Variants in CADPS2 observed in about 807,000 individuals in gnomAD.
CADPS2 encodes the protein calcium-dependent secretion activator 2.
CADPS2 carries 93 observed loss-of-function variants against 172.5 expected under a neutral mutation model. That is an observed-to-expected ratio of 0.54 (90% CI 0.46 to 0.64). The LOEUF is 0.64. Ranked by LOEUF, CADPS2 falls within the 30% of genes least tolerant of loss-of-function variation. CADPS2 has a pLI of 0.00. For synonymous variants in CADPS2, 546 were observed against 555.2 expected, an observed-to-expected ratio of 0.98 and a Z score of 0.23; for missense variants, 1,420 against 1,565.9, an observed-to-expected ratio of 0.91 and a Z score of 1.57.
At chr7:122,561,586 C>T (rs191978803) in intron 7 of CADPS2, among the ~76,000 whole-genome samples, 59 of 152,150 alleles carry the variant, frequency 3.9e-4, no homozygotes, top group Middle Eastern at 3.4e-3. Flanking sequence ...TTAGGCAAGC[C>T]GTTAGTAGTC....
chr7:122,491,118 A>G (rs562430213), intron 10 of CADPS2, among the ~76,000 whole-genome samples, 194 bp downstream of exon 10: 1 of 152,322 alleles, frequency 6.6e-6, no homozygotes, highest in African/African-American at 2.4e-5. Flanking sequence ...AATAACAAAT[A>G]TGATGAAATA....
At chr7:122,654,062 C>T (rs138143577) in intron 3 of CADPS2, among the ~76,000 whole-genome samples, 6 of 152,160 alleles carry the variant, frequency 3.9e-5, no homozygotes, top group East Asian at 3.9e-4. Flanking sequence ...TAAGAAGAGA[C>T]GGGTCAAATG....
At chr7:122,704,352 C>CT (rs943018418) in intron 2 of CADPS2, among the ~76,000 whole-genome samples, 37 of 146,438 alleles carry the variant, frequency 2.5e-4, no homozygotes, top group African/African-American at 5.0e-4. Context: ...TACAGGTAGA[C>CT]TTTTTTTTTT....
chr7:122,836,139 A>G (rs1808340861), intron 1 of CADPS2, among the ~76,000 whole-genome samples: 2 of 152,208 alleles, frequency 1.3e-5, no homozygotes, highest in Non-Finnish European at 2.9e-5. Flanking sequence ...ATTCTTAAAG[A>G]AAACAATTTT....
At chr7:122,516,920 C>T (rs182480371) in intron 8 of CADPS2, among the ~76,000 whole-genome samples, 7 of 151,590 alleles carry the variant, frequency 4.6e-5, no homozygotes, top group African/African-American at 1.7e-4. Context: ...GTATAGTTTA[C>T]ATAAAGTAAA....
chr7:122,345,484 C>A, intron 28 of CADPS2, 90 bp downstream of exon 28: 1 of 762,748 alleles, frequency 1.3e-6, no homozygotes, highest in Non-Finnish European at 2.2e-6. Flanking sequence ...AAAAAGGAGA[C>A]TATGCTTTGC....
intron 1 of CADPS2, among the ~76,000 whole-genome samples, chr7:122,872,868 T>A (rs2141537270): frequency 6.6e-6 from 1 of 152,252 alleles, no homozygotes; most frequent in African/African-American, 2.4e-5. Flanking sequence ...TAATCCAATT[T>A]CCAGAGGAAT....
At chr7:122,493,948 C>CT (rs1001577555) in intron 9 of CADPS2, among the ~76,000 whole-genome samples, 3 of 152,004 alleles carry the variant, frequency 2.0e-5, no homozygotes, top group African/African-American at 7.2e-5. Context: ...GGTTTATTCA[C>CT]TTTTTTAACG....
intron 6 of CADPS2, among the ~76,000 whole-genome samples, chr7:122,594,446 CT>C (rs1442991346): frequency 1.3e-5 from 2 of 152,040 alleles, no homozygotes; most frequent in African/African-American, 4.8e-5. Context: ...TTCCCTTTCC[CT>C]TCAAAGAGCT....
At chr7:122,865,831 A>G (rs1016983033) in intron 1 of CADPS2, among the ~76,000 whole-genome samples, 1 of 152,246 alleles carries the variant, frequency 6.6e-6, no homozygotes, top group Non-Finnish European at 1.5e-5. Flanking sequence ...GAGGTCCACT[A>G]GCAGTAGATA....
chr7:122,664,256 A>C (rs2080939938), intron 2 of CADPS2, among the ~76,000 whole-genome samples: 1 of 152,006 alleles, frequency 6.6e-6, no homozygotes, highest in Non-Finnish European at 1.5e-5. Flanking sequence ...TGTAATTTTT[A>C]CTCAAAATTG....
chr7:122,590,996 T>C (rs372274219), intron 6 of CADPS2, among the ~76,000 whole-genome samples: 2 of 152,010 alleles, frequency 1.3e-5, no homozygotes, highest in African/African-American at 4.8e-5. Context: ...GCCTAACTTA[T>C]CACCATCATT....
At chr7:122,366,776 AT>A (rs1268444149) in intron 25 of CADPS2, 2 of 151,364 alleles carry the variant, frequency 1.3e-5, no homozygotes, top group Non-Finnish European at 2.9e-5. Context: ...CTTTCTGTGA[AT>A]CCAGCTGCGA....
intron 25 of CADPS2, 131 bp from the exon 26 acceptor site, chr7:122,361,144 G>T: frequency 1.5e-6 from 1 of 670,530 alleles, no homozygotes. Context: ...GCTGAGGTCA[G>T]ACTAACTTGT....
intron 1 of CADPS2, among the ~76,000 whole-genome samples, chr7:122,765,173 A>G (rs945289736): frequency 2.6e-5 from 4 of 152,224 alleles, no homozygotes; most frequent in African/African-American, 9.6e-5. Flanking sequence ...TCTGTTGGAC[A>G]GATCAAGATT....
At chr7:122,674,410 T>G (rs2082194287) in intron 2 of CADPS2, among the ~76,000 whole-genome samples, 1 of 152,164 alleles carries the variant, frequency 6.6e-6, no homozygotes, top group Admixed American at 6.5e-5. Flanking sequence ...TTGTCCACAT[T>G]TCAGTAAATT....
At position 122,860,414 on chromosome 7, in the gene CADPS2, T is replaced by C. The variant is rs1370638108; in HGVS notation, c.339+25585A>G. Among the ~76,000 whole-genome samples, 3 of 152,052 alleles carry C rather than the reference T, an allele frequency of 2.0e-5. No homozygotes were observed. In the East Asian group the frequency reaches 5.8e-4, roughly 29 times the overall value. ...GCTAAATTTTTTACTTTTTATCTTT[T>C]TGTAGAGGCAGGGTCTCACTTTGTT... On this transcript the variant is annotated intron_variant, in intron 1 of 29. Coordinates refer to ENST00000449022, the MANE Select transcript of CADPS2 (RefSeq NM_017954.11).
At chr7:122,717,030 C>T (rs975792006) in intron 2 of CADPS2, among the ~76,000 whole-genome samples, 2 of 152,120 alleles carry the variant, frequency 1.3e-5, no homozygotes, top group Non-Finnish European at 2.9e-5. Flanking sequence ...AAATTTGCCA[C>T]TTAGAACTTT....
chr7:122,633,262 G>A (rs2076750243), intron 3 of CADPS2, among the ~76,000 whole-genome samples: 1 of 152,112 alleles, frequency 6.6e-6, no homozygotes, highest in South Asian at 2.1e-4. Flanking sequence ...GGATAGCACT[G>A]ATTCTGTAAA....
Sources: gnomAD v4.1 joint callset for allele counts (sites outside exome capture counted in the v4.1 genomes callset) on GRCh38, gnomAD v4.1.1 for gene constraint, MANE v1.5 for transcripts, NCBI Gene and HGNC (gene_info 2026-07-23, HGNC 2026-07-21) for gene names.